MUC5B: variants seen among roughly 807,000 people sequenced by gnomAD.
MUC5B encodes the protein mucin 5B, oligomeric mucus/gel-forming, also known as mucin-5B.
A neutral mutation model predicts 376.9 loss-of-function variants in MUC5B; 116 were observed. The observed-to-expected ratio is 0.31, with a 90% CI of 0.26 to 0.36. The LOEUF (loss-of-function observed/expected upper bound fraction) is 0.36. MUC5B is among the 10% of genes least tolerant of loss of function. MUC5B has a pLI of 1.00. For missense variants in MUC5B, 7,165 were observed against 7,769.9 expected, an observed-to-expected ratio of 0.92 and a Z score of 2.93; for synonymous variants, 3,517 against 3,390.9, an observed-to-expected ratio of 1.04 and a Z score of -1.29.
chr11:1,231,790 ACTTTGCACAGGGGCTGG>A (rs1406406850), intron 14 of MUC5B, among the ~76,000 whole-genome samples, 189 bp from the exon 15 acceptor site: 2 of 152,200 alleles, frequency 1.3e-5, no homozygotes, highest in Non-Finnish European at 2.9e-5. Flanking sequence ...GCTCAGGCCG[ACTTTGCACAGGGGCTGG>A]CTTTGCACAG....
At position 1,257,828 on chromosome 11, in the gene MUC5B, T is replaced by G; in HGVS notation, c.16450+118T>G. 8.0e-7 allele frequency: 1 copy of G among 1,252,482 alleles called. No individual in the cohort carries two copies. The highest frequency in any genetic ancestry group is 1.5e-5 in the South Asian group (1 of 66,020). The allele number at this position is 1,252,482 out of a possible 1,614,324, so 77.6% of individuals were successfully genotyped here. A position where few individuals can be genotyped will look rare whatever the true frequency, so the allele number is the denominator to read the frequency against. On this transcript the variant is annotated intron_variant, in intron 41 of 48. Transcript: ENST00000529681. This position sits in a 1 kb window ranked among gnomAD's most constrained non-coding sequence, Gnocchi z 8.9. ...AGAGGAGAGCCACTGTGTCCTGGCG[T>G]GACCGCGGCAGGACCACTCGGCAGA...
Position 1,252,916 on chromosome 11 carries a change from C to A in MUC5B, c.15153C>A (p.Asn5051Lys). 1.2e-6 allele frequency: 2 copies of A among 1,612,704 alleles called. No homozygotes were observed. Among genetic ancestry groups the A allele is most frequent in the Non-Finnish European group, 1.7e-6 (2 of 1,179,880 alleles). The part of the protein sequence containing the change: ...PKPVANVTCV[N>K]KHLPIKVSDP... ...CTGTGGCCAACGTCACCTGCGTGAA[C>A]AAGCACCTGCCCATCAAAGTGTCGG... Residue 5051 changes from asparagine to lysine, a missense_variant, in exon 33 of 49, where the codon AAC becomes AAA. Physicochemically the swap from Asn to Lys is moderately conservative, Grantham distance 94. Transcript: ENST00000529681.
At chr11:1,236,184 G>C (rs1424426020) in intron 23 of MUC5B, among the ~76,000 whole-genome samples, 1 of 152,186 alleles carries the variant, frequency 6.6e-6, no homozygotes, top group African/African-American at 2.4e-5. Flanking sequence ...TTCCCAGGCA[G>C]CCCCTGTTCC....
chr11:1,230,014 C>CG lies in MUC5B; in HGVS notation c.1236dup (p.Leu413AlafsTer25). On this transcript the variant is annotated frameshift_variant, in exon 11 of 49. Transcript: ENST00000529681. LOFTEE classifies it high-confidence loss of function. ...CGGCCTCCCTCCCCAGCACCTGCTC[C>CG]GGGGGGCTATGGCAGTGCCAGGACC... 1 of 1,597,994 alleles carries CG rather than the reference C, an allele frequency of 6.3e-7. No individual in the cohort carries two copies. The highest frequency in any genetic ancestry group is 8.5e-7 in the Non-Finnish European group (1 of 1,172,830).
rs766429801 is a variant in MUC5B, at chr11:1,251,409, G to C, written c.14529G>C (p.Gly4843=). 2 of 1,612,562 alleles carry C rather than the reference G, an allele frequency of 1.2e-6. No homozygotes were observed. Among genetic ancestry groups the C allele is most frequent in the Admixed American group, 3.3e-5 (2 of 59,970 alleles). The change falls in exon 31 of 49, where the codon GGG becomes GGC. Residue 4843 remains glycine, a synonymous_variant. Coordinates refer to ENST00000529681, the MANE Select transcript of MUC5B (RefSeq NM_002458.3). Reference sequence around the variant, plus strand: ...CGGCCACCCTGTCCTCCACCCCAGGGACCACCTGGATCCTCACAGAGCCGA... The same window carrying C: ...CGGCCACCCTGTCCTCCACCCCAGGCACCACCTGGATCCTCACAGAGCCGA... The part of the protein sequence containing the change: ...GSTATLSSTP[G]TTWILTEPST...
Position 1,251,310 on chromosome 11 carries a change from C to T in MUC5B, c.14430C>T (p.Ser4810=), listed in dbSNP as rs1234486284. 6.2e-7 allele frequency: 1 copy of T among 1,611,286 alleles called. No individual in the cohort carries two copies. Among genetic ancestry groups the T allele is most frequent in the East Asian group, 2.2e-5 (1 of 44,878 alleles). Residue 4810 remains serine (S), a synonymous_variant, in exon 31 of 49, where the codon TCC becomes TCT. Coordinates refer to ENST00000529681, the MANE Select transcript of MUC5B (RefSeq NM_002458.3). The stretch of plus-strand genomic sequence containing the variant: ...CCACCAATTCCACGGCCACACCCTC[C>T]TCCACTCTGGGGACGACCCGGATCC... ...TRATNSTATP[S]STLGTTRILT... is the part of the protein sequence containing the mutation.
Position 1,244,859 on chromosome 11 carries a change from C to T in MUC5B, c.7979C>T (p.Thr2660Ile). The T allele has an allele frequency of 6.2e-7, 1 of 1,607,110 alleles. No individual in the cohort carries two copies. Among genetic ancestry groups the T allele is most frequent in the Non-Finnish European group, 8.5e-7 (1 of 1,175,734 alleles). Residue 2660 changes from threonine (T) to isoleucine (I), a missense_variant, in exon 31 of 49, where the codon ACA becomes ATA. Thr to Ile is a moderately conservative substitution (Grantham distance 89). Around this residue, in one of 31 missense-constraint regions of MUC5B, gnomAD observed 141 missense variants for 111.2 expected, o/e 1.27. Transcript: ENST00000529681. ...SSIPGTTHTP[T>I]VLTTTTTTVA... is the part of the protein sequence containing the mutation. ...ATCCCGGGGACCACCCACACCCCCA[C>T]AGTGCTGACCACCACCACCACAACT...
Position 1,244,971 on chromosome 11 carries a change from C to G in MUC5B, c.8091C>G (p.Ile2697Met). The G allele has an allele frequency of 6.4e-7, 1 of 1,561,538 alleles. No homozygotes were observed. The highest frequency in any genetic ancestry group is 8.7e-7 in the Non-Finnish European group (1 of 1,153,024). ...PPSLTTTATT[I>M]TATGSTTNPS... ...CACTGACCACCACGGCCACTACGAT[C>G]ACGGCCACCGGCTCCACCACCAACC... The change falls in exon 31 of 49, where the codon ATC becomes ATG. Residue 2697 changes from isoleucine to methionine, a missense_variant. By Grantham distance (10) the Ile-to-Met change is conservative (BLOSUM62 1). Transcript: ENST00000529681.
chr11:1,224,444 G>C (rs1564929969), intron 1 of MUC5B, among the ~76,000 whole-genome samples: 1 of 150,426 alleles, frequency 6.6e-6, no homozygotes, highest in Non-Finnish European at 1.5e-5. Context: ...AGGGCAGTCA[G>C]CCTGGGCAGG....
rs574477477 is a variant in MUC5B at position 1,246,212 on chromosome 11, C to G, written c.9332C>G (p.Thr3111Arg). The G allele has an allele frequency of 6.2e-7, 1 of 1,612,566 alleles. No homozygotes were observed. The highest frequency in any genetic ancestry group is 8.5e-7 in the Non-Finnish European group (1 of 1,179,448). The part of the protein sequence containing the change: ...ETTHTSTVLT[T>R]KATTTRATSS... ...ACCCACACCTCCACAGTGCTGACCA[C>G]GAAGGCCACCACGACAAGGGCCACC... The change falls in exon 31 of 49, where the codon ACG (threonine) becomes AGG (arginine). Residue 3111 changes from threonine to arginine, a missense_variant. Coordinates refer to ENST00000529681, the MANE Select transcript of MUC5B (RefSeq NM_002458.3).
chr11:1,248,169 C>A lies in MUC5B; in HGVS notation c.11289C>A (p.Thr3763=). Residue 3763 remains threonine, a synonymous_variant, in exon 31 of 49, where the codon ACC becomes ACA. Coordinates refer to ENST00000529681, the MANE Select transcript of MUC5B (RefSeq NM_002458.3). ...VSTTATTPTV[T]SSKATPFSSP... ...CCACGGCCACGACACCCACAGTCAC[C>A]AGCTCCAAAGCCACTCCCTTCTCCA... is the stretch of plus-strand genomic sequence containing the variant. 3.1e-6 allele frequency: 5 copies of A among 1,593,584 alleles called. No individual in the cohort carries two copies. The highest frequency in any genetic ancestry group is 4.3e-6 in the Non-Finnish European group (5 of 1,166,722).
Position 1,244,236 on chromosome 11 carries a change from G to A in MUC5B, c.7356G>A (p.Thr2452=), listed in dbSNP as rs373586502. Residue 2452 remains threonine, a synonymous_variant, in exon 31 of 49, where the codon ACG becomes ACA. Coordinates refer to ENST00000529681, the MANE Select transcript of MUC5B (RefSeq NM_002458.3). ...CTACGACTGAGTCCACTGGATCCAC[G>A]GCCACCCCGTCCTCCACCCCAGGGA... The part of the protein sequence containing the change: ...TATTTESTGS[T]ATPSSTPGTT... 3.6e-5 allele frequency: 58 copies of A among 1,611,496 alleles called. No homozygotes were observed. Among genetic ancestry groups the A allele is most frequent in the African/African-American group, 3.5e-4 (26 of 74,524 alleles).
At chr11:1,224,003 G>T (rs1402794527) in intron 1 of MUC5B, among the ~76,000 whole-genome samples, 1 of 152,266 alleles carries the variant, frequency 6.6e-6, no homozygotes, top group East Asian at 1.9e-4. Context: ...GAGGCTGGGT[G>T]GTCAGCAGGG....
Position 1,250,221 on chromosome 11 carries a change from C to T in MUC5B, c.13341C>T (p.Thr4447=). ...CCCCGTCCTCCACCCCAGGGACCAC[C>T]TGGATCCTCACAGAGCCGAGCACTA... The part of the protein sequence containing the change: ...TATPSSTPGT[T]WILTEPSTTA... Residue 4447 remains threonine, a synonymous_variant, in exon 31 of 49, where the codon ACC becomes ACT. Transcript: ENST00000529681. 6.2e-7 allele frequency: 1 copy of T among 1,608,924 alleles called. No individual in the cohort carries two copies.
chr11:1,232,434 C>A lies in MUC5B; in HGVS notation c.1844-16C>A, dbSNP rs770671995. 17 of 1,593,674 alleles carry A rather than the reference C, an allele frequency of 1.1e-5. No individual in the cohort carries two copies. Among genetic ancestry groups the A allele is most frequent in the East Asian group, 9.2e-5 (4 of 43,556 alleles). On this transcript the variant is annotated splice_polypyrimidine_tract_variant and intron_variant, in intron 15 of 48. Transcript: ENST00000529681. ...TCGGGGCAGGGCGTGGAGATGAGGT[C>A]AGGTCTTCCCCACAGAGAACTACGC...
chr11:1,228,548 C>G lies in MUC5B; in HGVS notation c.775-16C>G, dbSNP rs56195424. 683 of 1,503,764 alleles carry G rather than the reference C, an allele frequency of 4.5e-4. 7 individuals carry two copies. The East Asian group carries it at 0.014, about 30-fold the overall frequency. The allele number at this position is 1,503,764 out of a possible 1,614,324, so 93.2% of individuals were successfully genotyped here. A position where few individuals can be genotyped will look rare whatever the true frequency, so the allele number is the denominator to read the frequency against. The stretch of plus-strand genomic sequence containing the variant: ...GGATGGCAGGGGTGCCCAGCCTGGC[C>G]CACTGTGCTCCCCAGGAGGGCATCT... On this transcript the variant is annotated splice_polypyrimidine_tract_variant and intron_variant, in intron 7 of 48. Coordinates refer to ENST00000529681, the MANE Select transcript of MUC5B (RefSeq NM_002458.3).
At chr11:1,227,904 G>A in intron 7 of MUC5B, 123 bp downstream of exon 7, 1 of 612,498 alleles carries the variant, frequency 1.6e-6, no homozygotes, top group Non-Finnish European at 3.0e-6. Flanking sequence ...GGGAGGCCGG[G>A]CAGCCACCCT....
rs1341126086 is a variant in MUC5B, at chr11:1,254,229, C to T, written c.15355C>T (p.His5119Tyr). ...FGNLSLYLDN[H>Y]YCTASATAAA... ...GAATCTCAGCCTCTACCTGGACAAC[C>T]ACTACTGCACGGCCTCTGCCACTGC... Residue 5119 changes from histidine to tyrosine, a missense_variant, in exon 34 of 49, where the codon CAC becomes TAC. Physicochemically the swap from His to Tyr is moderately conservative, Grantham distance 83. Coordinates refer to ENST00000529681, the MANE Select transcript of MUC5B (RefSeq NM_002458.3). 14 of 1,612,546 alleles carry T rather than the reference C, an allele frequency of 8.7e-6. No individual in the cohort carries two copies. Among genetic ancestry groups the T allele is most frequent in the Non-Finnish European group, 1.1e-5 (13 of 1,179,876 alleles).
chr11:1,227,424 G>C (rs369891829), intron 6 of MUC5B, 26 bp downstream of exon 6: 7 of 1,544,414 alleles, frequency 4.5e-6, no homozygotes, highest in Non-Finnish European at 5.3e-6. Flanking sequence ...GTGAGGGGGC[G>C]GTGACCAATT....
Sources: gnomAD v4.1 joint callset for allele counts (sites outside exome capture counted in the v4.1 genomes callset) on GRCh38, gnomAD v4.1.1 for gene constraint, gnomAD v4.1.1 regional missense constraint, Gnocchi (gnomAD v3.1) non-coding constraint, MANE v1.5 for transcripts, NCBI Gene and HGNC (gene_info 2026-07-23, HGNC 2026-07-21) for gene names.